SMC1B: variants seen among roughly 807,000 people sequenced by gnomAD.
SMC1B encodes the protein structural maintenance of chromosomes 1B, also known as structural maintenance of chromosomes protein 1B.
A neutral mutation model predicts 157.9 loss-of-function variants in SMC1B; 60 were observed. The observed-to-expected ratio is 0.38, with a 90% CI of 0.31 to 0.47. The LOEUF (loss-of-function observed/expected upper bound fraction) is 0.47, where lower values mean the gene tolerates loss of function less well. Among genes scored for constraint, SMC1B ranks in the 20% least tolerant of loss-of-function variants. The probability of loss-of-function intolerance (pLI) is 0.99; values close to 1 mark genes in which losing one functional copy is unlikely to be tolerated. For synonymous variants in SMC1B, 445 were observed against 483.0 expected (o/e 0.92, Z 1.03); for missense variants, 1,165 against 1,426.2 (o/e 0.82, Z 2.95).
At chr22:45,369,765 C>T (rs2086812933) in intron 15 of SMC1B, among the ~76,000 whole-genome samples, 189 bp downstream of exon 15, 2 of 151,968 alleles carry the variant, frequency 1.3e-5, no homozygotes, top group African/African-American at 2.4e-5. Context: ...AGGATGGTCT[C>T]GATCTCCTGA....
At chr22:45,346,593 T>C (rs934642866) in intron 23 of SMC1B, among the ~76,000 whole-genome samples, 3 of 152,176 alleles carry the variant, frequency 2.0e-5, no homozygotes, top group Non-Finnish European at 4.4e-5. Context: ...CATTGAGGAA[T>C]GAGTGGCCAT....
chr22:45,349,949 C>T, intron 22 of SMC1B, 152 bp from the exon 23 acceptor site: 1 of 649,622 alleles, frequency 1.5e-6, no homozygotes, highest in South Asian at 2.0e-5. Context: ...AAATCCAGTG[C>T]TCAGTTATCA....
chr22:45,353,661 T>C (rs1234926388), intron 21 of SMC1B, among the ~76,000 whole-genome samples: 1 of 151,904 alleles, frequency 6.6e-6, no homozygotes, highest in Non-Finnish European at 1.5e-5. Context: ...TAAAATCAAA[T>C]TAATACCAGA....
intron 11 of SMC1B, among the ~76,000 whole-genome samples, chr22:45,386,623 G>T (rs969674390): frequency 6.6e-6 from 1 of 151,994 alleles, no homozygotes; most frequent in African/African-American, 2.4e-5. Flanking sequence ...ATTATTAAAA[G>T]AAATCTAATT....
chr22:45,353,923 A>AAAAAAAAAAAAAAACC, intron 21 of SMC1B, 55 bp downstream of exon 21: 17 of 1,036,890 alleles, frequency 1.6e-5, no homozygotes, highest in Non-Finnish European at 2.3e-5. Context: ...AAAAAAAACA[A>AAAAAAAAAAAAAAACC]CCACCACCGG....
At position 45,371,502 on chromosome 22, in the gene SMC1B, C is replaced by A. The variant is rs2086831020; in HGVS notation, c.2282G>T (p.Arg761Ile). The A allele has an allele frequency of 6.3e-7, 1 of 1,597,896 alleles. No individual in the cohort carries two copies. The highest frequency in any genetic ancestry group is 1.3e-5 in the African/African-American group (1 of 74,166). Residue 761 changes from arginine to isoleucine, a missense_variant, in exon 14 of 25, where the codon AGA becomes ATA. Coordinates refer to ENST00000357450, the MANE Select transcript of SMC1B (RefSeq NM_148674.5). ...LSEGIKERQR[R>I]IKEFQEKIDK... ...TATCTTTTCTTGAAATTCTTTAATT[C>A]TTCGTTGTCGTTCCTTGATTCCTTC...
chr22:45,412,167 A>G (rs1327097693), intron 1 of SMC1B, among the ~76,000 whole-genome samples: 3 of 151,950 alleles, frequency 2.0e-5, no homozygotes, highest in African/African-American at 7.3e-5. Flanking sequence ...GGCATGAGCC[A>G]CGGCGCCCGG....
At chr22:45,409,605 TAAATAAAA>T (rs1311578836) in intron 1 of SMC1B, among the ~76,000 whole-genome samples, 345 of 126,062 alleles carry the variant, frequency 2.7e-3, no homozygotes, top group Admixed American at 9.5e-3. Context: ...AATAAATAAA[TAAATAAAA>T]ACAAGAGAAG....
At position 45,383,579 on chromosome 22, in the gene SMC1B, G is replaced by C. The variant is rs779776158; in HGVS notation, c.1946C>G (p.Ser649Cys). Residue 649 changes from serine to cysteine, a missense_variant, in exon 12 of 25, where the codon TCT becomes TGT. Transcript: ENST00000357450. ...VALDGTLFLK[S>C]GVISGGSSDL... Reference sequence around the variant, plus strand: ...ACTTGACCCTCCAGAGATCACTCCAGATTTTAAAAATAATGTTCCATCAAG... The same window carrying C: ...ACTTGACCCTCCAGAGATCACTCCACATTTTAAAAATAATGTTCCATCAAG... The C allele has an allele frequency of 1.3e-6, 2 of 1,599,236 alleles. No homozygotes were observed. The highest frequency in any genetic ancestry group is 1.7e-6 in the Non-Finnish European group (2 of 1,176,012).
At chr22:45,345,061 G>C (rs1470448578) in intron 24 of SMC1B, among the ~76,000 whole-genome samples, 2 of 152,164 alleles carry the variant, frequency 1.3e-5, no homozygotes, top group African/African-American at 4.8e-5. Flanking sequence ...AACTTCTAAT[G>C]TATTTCTTTG....
chr22:45,372,314 AG>A, intron 12 of SMC1B, 22 bp from the exon 13 acceptor site: 1 of 1,562,134 alleles, frequency 6.4e-7, no homozygotes, highest in South Asian at 1.2e-5. Context: ...GAAAAACATG[AG>A]AATATTTTAT....
At chr22:45,359,196 A>G (rs1248807326) in intron 18 of SMC1B, among the ~76,000 whole-genome samples, 1 of 152,252 alleles carries the variant, frequency 6.6e-6, no homozygotes, top group Admixed American at 6.5e-5. Context: ...AGATTTCAGC[A>G]TCCTCGGATT....
chr22:45,375,007 A>AG (rs2086871092), intron 12 of SMC1B, among the ~76,000 whole-genome samples: 2 of 152,236 alleles, frequency 1.3e-5, no homozygotes, highest in Admixed American at 6.5e-5. Context: ...TAAAAAGAAA[A>AG]GGGGGGAAAT....
chr22:45,396,554 A>G, intron 6 of SMC1B, 68 bp from the exon 7 acceptor site: 1 of 1,409,456 alleles, frequency 7.1e-7, no homozygotes, highest in South Asian at 1.4e-5. Flanking sequence ...TCTTTGTATG[A>G]AATCCTGTAC....
chr22:45,403,809 A>C (rs541649994), intron 4 of SMC1B, among the ~76,000 whole-genome samples: 76 of 152,276 alleles, frequency 5.0e-4, no homozygotes, highest in African/African-American at 1.6e-3. Flanking sequence ...TGGGGAGAAG[A>C]GAGGAAGAAA....
At chr22:45,395,169 C>T (rs1354128938) in intron 7 of SMC1B, among the ~76,000 whole-genome samples, 1 of 152,152 alleles carries the variant, frequency 6.6e-6, no homozygotes, top group African/African-American at 2.4e-5. Context: ...GAAAGAGTCC[C>T]TGCCCTCAAA....
chr22:45,344,602 T>A lies in SMC1B; in HGVS notation c.3662A>T (p.Asp1221Val). Residue 1221 changes from aspartate to valine, a missense_variant, in exon 25 of 25, where the codon GAC becomes GTC. Coordinates refer to ENST00000357450, the MANE Select transcript of SMC1B (RefSeq NM_148674.5). ...VLTLDLSQYPDTEGQESSKRH... is the reference protein window; with the variant it reads ...VLTLDLSQYPVTEGQESSKRH... ...CTTGCTGCTTTCTTGGCCTTCAGTG[T>A]CTGGATACTGAGAAAGATCTAGGGT... is the stretch of plus-strand genomic sequence containing the variant. The A allele has an allele frequency of 1.2e-6, 2 of 1,614,170 alleles. No homozygotes were observed. The highest frequency in any genetic ancestry group is 1.7e-6 in the Non-Finnish European group (2 of 1,179,996).
intron 22 of SMC1B, among the ~76,000 whole-genome samples, chr22:45,351,618 G>A (rs908766830): frequency 1.3e-5 from 2 of 152,080 alleles, no homozygotes; most frequent in Admixed American, 6.5e-5. Flanking sequence ...GTGTCATCAC[G>A]GTTTATTGCA....
rs757089735 is a variant in SMC1B, at chr22:45,406,483, G to C, written c.592C>G (p.Gln198Glu). The C allele has an allele frequency of 1.2e-6, 2 of 1,610,978 alleles. No individual in the cohort carries two copies. The highest frequency in any genetic ancestry group is 1.7e-5 in the Admixed American group (1 of 59,640). The part of the protein sequence containing the change: ...KKKNIAAERR[Q>E]AKLEKEEAER... ...ACCTCTTCCTTCTCTAATTTTGCTTGTCTGCGCTCTGCCGCTATATTTTTT... is the reference window on the plus strand; with the variant it reads ...ACCTCTTCCTTCTCTAATTTTGCTTCTCTGCGCTCTGCCGCTATATTTTTT... The change falls in exon 4 of 25, where the codon CAA (glutamine) becomes GAA (glutamate). Residue 198 changes from glutamine to glutamate, a missense_variant. Transcript: ENST00000357450.
Sources: allele counts gnomAD v4.1 joint callset (sites outside exome capture counted in the v4.1 genomes callset), GRCh38; gene constraint gnomAD v4.1.1; transcripts MANE v1.5; gene names NCBI Gene and HGNC (gene_info 2026-07-23, HGNC 2026-07-21).